INVS: variants seen among roughly 807,000 people sequenced by gnomAD.
The protein encoded by INVS is inversion of embryo turning homolog.
Under a neutral mutation model 108.8 loss-of-function variants are expected in INVS, and 86 were observed. That is an observed-to-expected ratio of 0.79 (90% CI 0.66 to 0.95). The LOEUF is 0.95. INVS is among the 40% of genes least tolerant of loss of function. The probability of loss-of-function intolerance (pLI) is 0.00; values close to 1 mark genes in which losing one functional copy is unlikely to be tolerated. For missense variants in INVS, 1,169 were observed against 1,297.4 expected, an observed-to-expected ratio of 0.90 and a Z score of 1.52; for synonymous variants, 455 against 473.5, an observed-to-expected ratio of 0.96 and a Z score of 0.51.
chr9:100,266,962 T>C (rs1832811605), intron 11 of INVS, among the ~76,000 whole-genome samples: 1 of 148,466 alleles, frequency 6.7e-6, no homozygotes, highest in Admixed American at 6.8e-5. Context: ...CTTTACCACT[T>C]CTTTCAGAAA....
At chr9:100,255,582 C>T (rs1465853278) in intron 10 of INVS, among the ~76,000 whole-genome samples, 2 of 152,110 alleles carry the variant, frequency 1.3e-5, no homozygotes, top group Non-Finnish European at 2.9e-5. Context: ...TTTTGAGATA[C>T]GTCCCATCAA....
At chr9:100,295,743 C>G (rs139526421) in intron 14 of INVS, among the ~76,000 whole-genome samples, 215 of 152,302 alleles carry the variant, frequency 1.4e-3, no homozygotes, top group African/African-American at 5.0e-3. Flanking sequence ...GGATCCTGGA[C>G]AAGCTGAGCA....
intron 3 of INVS, among the ~76,000 whole-genome samples, chr9:100,198,987 G>T (rs1243084360): frequency 1.3e-5 from 2 of 152,148 alleles, no homozygotes; most frequent in African/African-American, 4.8e-5. Flanking sequence ...AGACGTCATA[G>T]GAGTAATGCT....
In INVS at chr9:100,292,671, C is replaced by G. The variant is rs750979976; in HGVS notation, c.2414C>G (p.Pro805Arg). 1 of 1,614,014 alleles carries G rather than the reference C, an allele frequency of 6.2e-7. No individual in the cohort carries two copies. Among genetic ancestry groups the G allele is most frequent in the Non-Finnish European group, 8.5e-7 (1 of 1,180,028 alleles). ...GAGCTCAGAGGAGGAAGGTGCTCTC[C>G]GGCTGGTTCTAGCCGCCCTGGCAGT... ...TQELRGGRCS[P>R]AGSSRPGSAR... The change falls in exon 14 of 17, where the codon CCG (proline) becomes CGG (arginine). Residue 805 changes from proline to arginine, a missense_variant. By Grantham distance (103) the Pro-to-Arg change is moderately radical (BLOSUM62 -2). Transcript: ENST00000262457.
intron 5 of INVS, among the ~76,000 whole-genome samples, chr9:100,237,325 A>T (rs1831718389): frequency 1.3e-5 from 2 of 151,962 alleles, no homozygotes; most frequent in African/African-American, 4.8e-5. Context: ...GAGCAAAACC[A>T]CTTGGCTCCC....
intron 3 of INVS, among the ~76,000 whole-genome samples, chr9:100,219,856 G>A (rs1025879819): frequency 2.6e-5 from 4 of 151,150 alleles, no homozygotes; most frequent in Non-Finnish European, 5.9e-5. Flanking sequence ...TTGAAAACAT[G>A]TAAAACAATA....
At chr9:100,253,599 G>A (rs1283111279) in intron 10 of INVS, among the ~76,000 whole-genome samples, 1 of 151,990 alleles carries the variant, frequency 6.6e-6, no homozygotes, top group Non-Finnish European at 1.5e-5. Context: ...GGTGTGTGAT[G>A]TTCCCCACCC....
chr9:100,148,588 A>G (rs1828705149), intron 3 of INVS, among the ~76,000 whole-genome samples: 1 of 152,254 alleles, frequency 6.6e-6, no homozygotes, highest in South Asian at 2.1e-4. Context: ...CTGTGCAGCA[A>G]CATTTAAACA....
At chr9:100,139,853 G>C (rs538502477) in intron 3 of INVS, among the ~76,000 whole-genome samples, 2 of 152,188 alleles carry the variant, frequency 1.3e-5, no homozygotes, top group East Asian at 3.9e-4. Context: ...TTATTGCCTG[G>C]GCTGGTCTCA....
chr9:100,292,475 G>A lies in INVS; in HGVS notation c.2218G>A (p.Gly740Ser). The change falls in exon 14 of 17, where the codon GGC (glycine) becomes AGC (serine). Residue 740 changes from glycine to serine, a missense_variant. Coordinates refer to ENST00000262457, the MANE Select transcript of INVS (RefSeq NM_014425.5). ...CGATGAGCGGTGTGCAAAGGGGAAA[G>A]GCTTCGTGAAGCAGCCCTCCTGTAT... ...AGDERCAKGK[G>S]FVKQPSCIRV... 3 of 1,614,178 alleles carry A rather than the reference G, an allele frequency of 1.9e-6. No individual in the cohort carries two copies. Among genetic ancestry groups the A allele is most frequent in the Non-Finnish European group, 2.5e-6 (3 of 1,180,036 alleles).
intron 3 of INVS, among the ~76,000 whole-genome samples, chr9:100,186,250 A>G (rs1268448333): frequency 6.6e-6 from 1 of 152,088 alleles, no homozygotes; most frequent in Admixed American, 6.6e-5. Context: ...CCCGGGTTTT[A>G]AACAATTCTC....
chr9:100,169,884 G>A (rs1013495275), intron 3 of INVS, among the ~76,000 whole-genome samples: 23 of 152,124 alleles, frequency 1.5e-4, no homozygotes, highest in Admixed American at 2.6e-4. Context: ...AACTAAATGT[G>A]TGTACAAAAG....
chr9:100,245,344 A>T (rs931839098), intron 7 of INVS, among the ~76,000 whole-genome samples: 3 of 152,152 alleles, frequency 2.0e-5, no homozygotes, highest in Admixed American at 2.0e-4. Context: ...CAATGATGCA[A>T]TCTCGGCTCA....
chr9:100,269,080 A>G (rs371585495), intron 11 of INVS, among the ~76,000 whole-genome samples: 1 of 152,238 alleles, frequency 6.6e-6, no homozygotes, highest in Non-Finnish European at 1.5e-5. Flanking sequence ...AAACAGTTTT[A>G]TTCTATAGGA....
chr9:100,235,880 G>A (rs1264274527), intron 5 of INVS, among the ~76,000 whole-genome samples: 1 of 152,126 alleles, frequency 6.6e-6, no homozygotes, highest in East Asian at 1.9e-4. Context: ...TCTTAATGGT[G>A]TTCTCTGTAT....
rs770493291 is a variant in INVS, at chr9:100,157,267, C to CTTTTTTTTTTTTTTTTTT, written c.273+30733_273+30734insTTTTTTTTTTTTTTTTTT. Among the ~76,000 whole-genome samples the CTTTTTTTTTTTTTTTTTT allele has an allele frequency of 2.2e-4, 29 of 130,090 alleles. 2 individuals are homozygous for CTTTTTTTTTTTTTTTTTT. Among genetic ancestry groups the CTTTTTTTTTTTTTTTTTT allele is most frequent in the African/African-American group, 5.3e-4 (16 of 30,460 alleles). 85.3% of individuals were successfully genotyped at this position (130,090 alleles called of 152,430 possible). Reference sequence around the variant, plus strand: ...GAAATAGTAAAAATTTCTTTTTTTTCTTTTTTTTTTTTTTTGAGGCAGAGT... The same window carrying CTTTTTTTTTTTTTTTTTT: ...GAAATAGTAAAAATTTCTTTTTTTTCTTTTTTTTTTTTTTTTTTTTTTTTTTTTTTTTTGAGGCAGAGT... On this transcript the variant is annotated intron_variant, in intron 3 of 16. Transcript: ENST00000262457.
At position 100,225,597 on chromosome 9, in the gene INVS, A is replaced by G. The variant is rs760084518; in HGVS notation, c.274-465A>G. ...TGTGCTGAAACTAATACACCTACACATTGCTGCTGTTAGATAGCAATTTGG... is the reference window on the plus strand; with the variant it reads ...TGTGCTGAAACTAATACACCTACACGTTGCTGCTGTTAGATAGCAATTTGG... On this transcript the variant is annotated intron_variant, in intron 3 of 16. Coordinates refer to ENST00000262457, the MANE Select transcript of INVS (RefSeq NM_014425.5). Among the ~76,000 whole-genome samples, 9 of 152,202 alleles carry G rather than the reference A, an allele frequency of 5.9e-5. No individual in the cohort carries two copies. The East Asian group carries it at 1.2e-3, about 20-fold the overall frequency.
At chr9:100,244,584 G>T (rs1330318055) in intron 7 of INVS, among the ~76,000 whole-genome samples, 1 of 152,032 alleles carries the variant, frequency 6.6e-6, no homozygotes, top group Non-Finnish European at 1.5e-5. Flanking sequence ...TATAATAATT[G>T]TATTCAAAGA....
intron 3 of INVS, among the ~76,000 whole-genome samples, chr9:100,190,380 G>A (rs1830183135): frequency 1.3e-5 from 2 of 152,110 alleles, no homozygotes; most frequent in Admixed American, 1.3e-4. Context: ...TTAATATTGA[G>A]ATGTGAAGTA....
Sources: allele counts gnomAD v4.1 joint callset (sites outside exome capture counted in the v4.1 genomes callset), GRCh38; gene constraint gnomAD v4.1.1; transcripts MANE v1.5; gene names NCBI Gene and HGNC (gene_info 2026-07-23, HGNC 2026-07-21).